Variants in MEGF11 observed in about 807,000 individuals in gnomAD.
The protein encoded by MEGF11 is multiple epidermal growth factor-like domains protein 11.
In MEGF11, 126 loss-of-function variants were observed where a neutral mutation model predicts 146.6. The observed-to-expected ratio is 0.86, with a 90% confidence interval of 0.74 to 1.00. MEGF11 has a LOEUF of 1.00. MEGF11 is among the 50% of genes least tolerant of loss of function. The pLI, the probability that MEGF11 is intolerant of heterozygous loss-of-function variation, is 0.00. For missense variants in MEGF11, 1,509 were observed against 1,521.2 expected, an observed-to-expected ratio of 0.99 and a Z score of 0.13; for synonymous variants, 532 against 583.4, an observed-to-expected ratio of 0.91 and a Z score of 1.27.
At chr15:66,168,534 G>A (rs2090160751) in intron 1 of MEGF11, among the ~76,000 whole-genome samples, 1 of 152,214 alleles carries the variant, frequency 6.6e-6, no homozygotes, top group Non-Finnish European at 1.5e-5. Flanking sequence ...ACTTACAGAT[G>A]GGGCAGAGGG....
chr15:65,947,273 TA>T (rs1309450621), intron 10 of MEGF11, among the ~76,000 whole-genome samples: 1 of 152,030 alleles, frequency 6.6e-6, no homozygotes, highest in Non-Finnish European at 1.5e-5. Context: ...GGGGCTGGGC[TA>T]GGGGGCTGGG....
At chr15:65,925,011 G>A (rs566522925) in intron 13 of MEGF11, among the ~76,000 whole-genome samples, 54 of 152,178 alleles carry the variant, frequency 3.5e-4, no homozygotes, top group Non-Finnish European at 6.6e-4. Context: ...GCACTGAGGT[G>A]GAGCTTTGCT....
At chr15:66,083,063 G>A (rs1351594990) in intron 5 of MEGF11, among the ~76,000 whole-genome samples, 4 of 152,116 alleles carry the variant, frequency 2.6e-5, no homozygotes, top group Non-Finnish European at 5.9e-5. Flanking sequence ...GTGTGTCCAG[G>A]GGCGCCTGAG....
chr15:66,232,025 G>T lies in MEGF11; in HGVS notation c.-9+21580C>A, dbSNP rs183931896. On this transcript the variant is annotated intron_variant, in intron 1 of 25. Transcript: ENST00000395614. Reference sequence around the variant, plus strand: ...GAGGTACACAGAAGCTAAAGGATTTGCCCCACATTACTGAGATGATGGTGG... The same window carrying T: ...GAGGTACACAGAAGCTAAAGGATTTTCCCCACATTACTGAGATGATGGTGG... 3.9e-5 allele frequency among the ~76,000 whole-genome samples: 6 copies of T among 152,310 alleles called. No individual in the cohort carries two copies. The East Asian group carries it at 1.2e-3, about 29-fold the overall frequency.
intron 1 of MEGF11, among the ~76,000 whole-genome samples, chr15:66,222,200 C>G (rs988961160): frequency 5.9e-5 from 9 of 152,222 alleles, no homozygotes; most frequent in African/African-American, 1.9e-4. Flanking sequence ...GTCCCCAACT[C>G]TGTGACCCTC....
intron 10 of MEGF11, among the ~76,000 whole-genome samples, chr15:65,937,704 C>T (rs1425439206): frequency 1.3e-5 from 2 of 152,354 alleles, no homozygotes; most frequent in East Asian, 3.9e-4. Flanking sequence ...GTCCACCAGT[C>T]ATGATCTAGA....
At chr15:66,144,475 TC>T (rs2141015520) in intron 1 of MEGF11, among the ~76,000 whole-genome samples, 1 of 152,176 alleles carries the variant, frequency 6.6e-6, no homozygotes, top group South Asian at 2.1e-4. Context: ...ATCACAAGTG[TC>T]CCCCAACCCA....
Position 66,079,542 on chromosome 15 carries a change from C to A in MEGF11, c.394+14860G>T, listed in dbSNP as rs1029612693. On this transcript the variant is annotated intron_variant, in intron 5 of 25. Coordinates refer to ENST00000395614, the MANE Select transcript of MEGF11 (RefSeq NM_001385028.1). ...ACCTGGGAACCTTCATTCACACCCCCCCCCCCAGCACCCCCGCCAAAACTC... is the reference window on the plus strand; with the variant it reads ...ACCTGGGAACCTTCATTCACACCCCACCCCCCAGCACCCCCGCCAAAACTC... 3.3e-4 allele frequency among the ~76,000 whole-genome samples: 48 copies of A among 145,076 alleles called. No homozygotes were observed. The East Asian group carries it at 4.2e-3, about 13-fold the overall frequency.
chr15:65,928,352 C>A, intron 13 of MEGF11, 73 bp downstream of exon 13: 1 of 947,522 alleles, frequency 1.1e-6, no homozygotes, highest in East Asian at 2.6e-5. Context: ...AAGAAGAAAA[C>A]GGTCAAGAGA....
Position 65,980,825 on chromosome 15 carries a change from T to A in MEGF11, c.715A>T (p.Thr239Ser), listed in dbSNP as rs774902717. 1.9e-6 allele frequency: 3 copies of A among 1,602,792 alleles called. No homozygotes were observed. The African/African-American group carries it at 4.0e-5, about 21-fold the overall frequency. ...CACTCGCCAGTGATGTGGTGGCAGG[T>A]GCCCCCATTCTGACAGGGGCAGCGC... is the stretch of plus-strand genomic sequence containing the variant. ...ELRCPCQNGG[T>S]CHHITGECAC... Residue 239 changes from threonine (T) to serine (S), a missense_variant, in exon 7 of 26, where the codon ACC (threonine) becomes TCC (serine). By Grantham distance (58) the Thr-to-Ser change is moderately conservative. Coordinates refer to ENST00000395614, the MANE Select transcript of MEGF11 (RefSeq NM_001385028.1).
chr15:66,208,375 A>T (rs74659405), intron 1 of MEGF11, among the ~76,000 whole-genome samples: 4,385 of 152,332 alleles, frequency 0.029, 116 homozygotes, highest in South Asian at 0.11. Context: ...ACTATAGATA[A>T]ATCAAGATGG....
At chr15:66,233,377 A>G (rs1451013025) in intron 1 of MEGF11, among the ~76,000 whole-genome samples, 3 of 152,102 alleles carry the variant, frequency 2.0e-5, no homozygotes, top group Non-Finnish European at 4.4e-5. Context: ...CTGGGATTAC[A>G]GGTGCCCACC....
At chr15:66,175,826 T>C (rs1357201350) in intron 1 of MEGF11, among the ~76,000 whole-genome samples, 1 of 152,082 alleles carries the variant, frequency 6.6e-6, no homozygotes, top group East Asian at 1.9e-4. Context: ...CGAATGGGAC[T>C]ATATCAAACT....
intron 10 of MEGF11, among the ~76,000 whole-genome samples, chr15:65,938,392 T>C (rs74023626): frequency 3.9e-5 from 6 of 152,218 alleles, no homozygotes; most frequent in African/African-American, 1.2e-4. Context: ...CCTGTTGATA[T>C]GGAAAGTGCA....
rs375349353 is a variant in MEGF11, at chr15:65,925,118, A to G, written c.1676-2149T>C. Among the ~76,000 whole-genome samples the G allele has an allele frequency of 7.9e-5, 12 of 152,296 alleles. No homozygotes were observed. The South Asian group carries it at 2.5e-3, about 32-fold the overall frequency. On this transcript the variant is annotated intron_variant, in intron 13 of 25. Coordinates refer to ENST00000395614, the MANE Select transcript of MEGF11 (RefSeq NM_001385028.1). ...GTAGACAGTGCTCTCTCCTAAAACTATAGGTATTACTGTGTTCATAAAACA... is the reference window on the plus strand; with the variant it reads ...GTAGACAGTGCTCTCTCCTAAAACTGTAGGTATTACTGTGTTCATAAAACA...
chr15:65,958,445 A>G (rs2080737492), intron 9 of MEGF11, among the ~76,000 whole-genome samples: 1 of 149,382 alleles, frequency 6.7e-6, no homozygotes, highest in Admixed American at 6.6e-5. Flanking sequence ...TCTATTCATG[A>G]TCAGCGGGAT....
chr15:66,033,078 C>CAAAAAAAAAAAAAAAAAA (rs60932678), intron 5 of MEGF11, among the ~76,000 whole-genome samples: 7 of 80,612 alleles, frequency 8.7e-5, no homozygotes, highest in Admixed American at 2.9e-4. Flanking sequence ...GAGACTCCAT[C>CAAAAAAAAAAAAAAAAAA]AAAAAAAAAA....
intron 5 of MEGF11, among the ~76,000 whole-genome samples, chr15:66,093,094 A>G (rs1321566556): frequency 6.6e-6 from 1 of 152,202 alleles, no homozygotes; most frequent in Non-Finnish European, 1.5e-5. Flanking sequence ...CACTCAAAGC[A>G]GTAGGACAAG....
intron 10 of MEGF11, among the ~76,000 whole-genome samples, chr15:65,950,612 CACACACACACACACAAA>C (rs2080369645): frequency 1.5e-5 from 1 of 64,880 alleles, no homozygotes; most frequent in Admixed American, 1.7e-4. Flanking sequence ...CACACACACA[CACACACACACACACAAA>C]AGGAAATAAA....
Sources: gnomAD v4.1 joint callset for allele counts (sites outside exome capture counted in the v4.1 genomes callset) on GRCh38, gnomAD v4.1.1 for gene constraint, MANE v1.5 for transcripts, NCBI Gene and HGNC (gene_info 2026-07-23, HGNC 2026-07-21) for gene names.